Variants in RBMS3 observed in about 807,000 individuals in gnomAD.
RBMS3 encodes RNA binding motif single stranded interacting protein 3, also known as RNA-binding motif, single-stranded-interacting protein 3.
A neutral mutation model predicts 66.8 loss-of-function variants in RBMS3; 27 were observed. The ratio of observed to expected loss-of-function variants is 0.40; its 90% confidence interval spans 0.30 to 0.56. RBMS3 has a LOEUF of 0.56. RBMS3 is among the 20% of genes least tolerant of loss of function. The probability of loss-of-function intolerance (pLI) is 0.40; values close to 1 mark genes in which losing one functional copy is unlikely to be tolerated. For synonymous variants in RBMS3, 188 were observed against 183.0 expected (o/e 1.03, Z -0.22); for missense variants, 513 against 549.5 (o/e 0.93, Z 0.66).
In RBMS3 at chr3:30,004,126, C is replaced by CA. The variant is rs138475450; in HGVS notation, c.*270dup. The CA allele has an allele frequency of 0.021, 5,931 of 288,878 alleles. 150 individuals are homozygous for CA. Among genetic ancestry groups the CA allele is most frequent in the African/African-American group, 0.085 (3,785 of 44,354 alleles). The allele number at this position is 288,878 out of a possible 1,614,324, so 17.9% of individuals were successfully genotyped here. On this transcript the variant is annotated 3_prime_UTR_variant, in exon 15 of 15. Transcript: ENST00000383767. The stretch of plus-strand genomic sequence containing the variant: ...TTTCCAGAAGAGGAAAAAAAAACTA[C>CA]AAAAAACAAAACATTGAAGGTTGAT...
At chr3:29,496,662 T>A (rs1044823820) in intron 3 of RBMS3, among the ~76,000 whole-genome samples, 3 of 152,212 alleles carry the variant, frequency 2.0e-5, no homozygotes, top group African/African-American at 4.8e-5. Context: ...CTGCCAAAAA[T>A]TAGCTTTCCA....
At chr3:29,325,240 G>A (rs1047491255) in intron 1 of RBMS3, among the ~76,000 whole-genome samples, 1 of 152,066 alleles carries the variant, frequency 6.6e-6, no homozygotes, top group African/African-American at 2.4e-5. Flanking sequence ...GAAAAAAGGC[G>A]GTGGTGGGAA....
chr3:29,728,565 G>A (rs2053988583), intron 4 of RBMS3, among the ~76,000 whole-genome samples: 1 of 152,082 alleles, frequency 6.6e-6, no homozygotes, highest in African/African-American at 2.4e-5. Context: ...GTATCACCTA[G>A]TTAGGTTCCT....
At chr3:29,430,079 C>T (rs752653212) in intron 1 of RBMS3, among the ~76,000 whole-genome samples, 1 of 152,016 alleles carries the variant, frequency 6.6e-6, no homozygotes, top group Non-Finnish European at 1.5e-5. Flanking sequence ...ATTCCGGGAA[C>T]TTTCTGCCAA....
intron 1 of RBMS3, among the ~76,000 whole-genome samples, chr3:29,287,615 T>C (rs1050821442): frequency 6.6e-6 from 1 of 152,106 alleles, no homozygotes; most frequent in African/African-American, 2.4e-5. Context: ...TGCTTCCATT[T>C]CTGTAACAGA....
chr3:29,422,478 G>T (rs916766417), intron 1 of RBMS3, among the ~76,000 whole-genome samples: 1 of 150,892 alleles, frequency 6.6e-6, no homozygotes, highest in Non-Finnish European at 1.5e-5. Context: ...ATATTCTTTC[G>T]AGAAATTCTC....
intron 12 of RBMS3, among the ~76,000 whole-genome samples, chr3:29,970,070 A>G (rs1697123858): frequency 6.6e-6 from 1 of 152,210 alleles, no homozygotes; most frequent in African/African-American, 2.4e-5. Context: ...TATATCCACC[A>G]CTTTAAAACT....
intron 1 of RBMS3, among the ~76,000 whole-genome samples, chr3:29,373,225 T>C (rs1317065580): frequency 6.6e-6 from 1 of 152,196 alleles, no homozygotes; most frequent in Non-Finnish European, 1.5e-5. Flanking sequence ...CAGAACCCAC[T>C]GATCATGGGC....
At chr3:29,659,091 C>T (rs896234962) in intron 4 of RBMS3, among the ~76,000 whole-genome samples, 7 of 152,078 alleles carry the variant, frequency 4.6e-5, no homozygotes, top group Admixed American at 1.3e-4. Context: ...TGCTGGGATT[C>T]GAGGCATGAG....
chr3:29,957,788 T>G (rs1324727234), intron 12 of RBMS3, among the ~76,000 whole-genome samples: 1 of 152,146 alleles, frequency 6.6e-6, no homozygotes, highest in African/African-American at 2.4e-5. Context: ...TTATACTCTT[T>G]TCATCGCCAA....
intron 3 of RBMS3, among the ~76,000 whole-genome samples, chr3:29,535,850 A>C (rs1003061752): frequency 1.4e-5 from 2 of 145,452 alleles, no homozygotes; most frequent in African/African-American, 5.1e-5. Context: ...CAAGTGTTTT[A>C]TTAGAGTTAT....
intron 8 of RBMS3, among the ~76,000 whole-genome samples, chr3:29,893,342 C>A (rs1269002871): frequency 6.6e-6 from 1 of 151,500 alleles, no homozygotes; most frequent in East Asian, 1.9e-4. Context: ...CTTTATGTTT[C>A]TGTTCTCTGT....
In RBMS3 at chr3:29,814,269, A is replaced by C. The variant is rs566207628; in HGVS notation, c.637+51280A>C. On this transcript the variant is annotated intron_variant, in intron 6 of 14. Coordinates refer to ENST00000383767, the MANE Select transcript of RBMS3 (RefSeq NM_001003793.3). ...GGTTTTTGTCTTTGGTTCTGTTTAT[A>C]TGCTGGATTACATTTATTGATTTGC... is the stretch of plus-strand genomic sequence containing the variant. Among the ~76,000 whole-genome samples, 56 of 152,172 alleles carry C rather than the reference A, an allele frequency of 3.7e-4. 2 individuals carry two copies. In the East Asian group the frequency reaches 0.011, roughly 29 times the overall value.
chr3:29,452,998 A>G (rs996986982), intron 2 of RBMS3, among the ~76,000 whole-genome samples: 4 of 152,148 alleles, frequency 2.6e-5, no homozygotes, highest in Non-Finnish European at 5.9e-5. Flanking sequence ...GACGTATAGA[A>G]CCTAATACTT....
chr3:29,940,812 G>C (rs9838276), intron 11 of RBMS3, among the ~76,000 whole-genome samples: 149,988 of 151,754 alleles, frequency 0.99, 74,126 homozygotes, highest in East Asian at 1. Context: ...TATTTCAGGG[G>C]TCTGCTGACC....
chr3:29,873,778 T>C (rs1250215378), intron 7 of RBMS3, among the ~76,000 whole-genome samples: 1 of 152,206 alleles, frequency 6.6e-6, no homozygotes, highest in East Asian at 1.9e-4. Flanking sequence ...CCTTGTTTAT[T>C]GAGAGTTTTT....
intron 4 of RBMS3, chr3:29,697,130 T>C (rs948298004): frequency 2.8e-5 from 28 of 983,264 alleles, no homozygotes; most frequent in Non-Finnish European, 3.1e-5. Context: ...CATTTGTTTT[T>C]ATTTCTTATA....
At chr3:29,803,482 G>T (rs2057450666) in intron 6 of RBMS3, among the ~76,000 whole-genome samples, 1 of 151,894 alleles carries the variant, frequency 6.6e-6, no homozygotes, top group South Asian at 2.1e-4. Flanking sequence ...TGGACAAAGG[G>T]GTGTTAAAGA....
chr3:29,920,371 C>T (rs977565166), intron 10 of RBMS3, among the ~76,000 whole-genome samples: 2 of 152,132 alleles, frequency 1.3e-5, no homozygotes, highest in African/African-American at 4.8e-5. Context: ...TACTGTTCTT[C>T]ACAATGTAAA....
Sources: gnomAD v4.1 joint callset for allele counts (sites outside exome capture counted in the v4.1 genomes callset) on GRCh38, gnomAD v4.1.1 for gene constraint, MANE v1.5 for transcripts, NCBI Gene and HGNC (gene_info 2026-07-23, HGNC 2026-07-21) for gene names.